The following MLXIPL variants were observed in gnomAD, a reference collection of about 807,000 sequenced individuals.
MLXIPL encodes the protein MLX interacting protein like.
A neutral mutation model predicts 81.5 loss-of-function variants in MLXIPL; 49 were observed. That is an observed-to-expected ratio of 0.60 (90% CI 0.48 to 0.76). The LOEUF (loss-of-function observed/expected upper bound fraction) is 0.76, where lower values mean the gene tolerates loss of function less well. Ranked by LOEUF, MLXIPL falls within the 30% of genes least tolerant of loss-of-function variation. MLXIPL has a pLI of 0.00. For synonymous variants in MLXIPL, 466 were observed against 485.5 expected (o/e 0.96, Z 0.53); for missense variants, 1,053 against 1,167.0 (o/e 0.90, Z 1.42).
At chr7:73,604,381 G>A (rs1203711731) in intron 7 of MLXIPL, among the ~76,000 whole-genome samples, 1 of 151,890 alleles carries the variant, frequency 6.6e-6, no homozygotes, top group Non-Finnish European at 1.5e-5. Context: ...AGACCAGCCT[G>A]GGCAATACAG....
At chr7:73,613,164 C>T (rs1323612593) in intron 2 of MLXIPL, among the ~76,000 whole-genome samples, 2 of 152,148 alleles carry the variant, frequency 1.3e-5, no homozygotes, top group African/African-American at 4.8e-5. Context: ...CTCCTCCCCA[C>T]TCCCGTGAAG....
At chr7:73,617,527 A>C (rs1796075850) in intron 1 of MLXIPL, among the ~76,000 whole-genome samples, 2 of 151,896 alleles carry the variant, frequency 1.3e-5, no homozygotes, top group Admixed American at 6.6e-5. Context: ...GAGCACCCTC[A>C]CTCTAACCCT....
chr7:73,642,095 C>T, the MLXIPL span, among the ~76,000 whole-genome samples: 1 of 152,162 alleles, frequency 6.6e-6, no homozygotes, highest in African/African-American at 2.4e-5. Flanking sequence ...ACTTTCTCCT[C>T]AGTGTCAATA....
chr7:73,617,802 G>A (rs1308903898), intron 1 of MLXIPL, among the ~76,000 whole-genome samples: 2 of 152,018 alleles, frequency 1.3e-5, no homozygotes, highest in Admixed American at 6.6e-5. Flanking sequence ...CTATGATCAC[G>A]CCACTGCACT....
chr7:73,607,174 GC>G, intron 4 of MLXIPL, 156 bp from the exon 5 acceptor site: 1 of 1,258,408 alleles, frequency 7.9e-7, no homozygotes, highest in Non-Finnish European at 1.1e-6. Flanking sequence ...AGACGCTGTG[GC>G]CACACGGTGG....
In MLXIPL at chr7:73,605,680, C is replaced by G; in HGVS notation, c.901+8G>C. ...CGTCCACCCGACCTGGGGAGGGGCT[C>G]GCCCCACCTGAGATGTCCATGAAGT... On this transcript the variant is annotated splice_region_variant and intron_variant, in intron 7 of 16. Coordinates refer to ENST00000313375, the MANE Select transcript of MLXIPL (RefSeq NM_032951.3). 13 of 1,613,066 alleles carry G rather than the reference C, an allele frequency of 8.1e-6. No homozygotes were observed. The highest frequency in any genetic ancestry group is 1.1e-5 in the Non-Finnish European group (13 of 1,179,764).
intron 7 of MLXIPL, among the ~76,000 whole-genome samples, chr7:73,601,789 C>T (rs1253408271): frequency 6.6e-6 from 1 of 152,066 alleles, no homozygotes; most frequent in East Asian, 1.9e-4. Context: ...GCTTTGGCCT[C>T]CTAAAGTGCT....
In MLXIPL at chr7:73,603,054, C is replaced by T. The variant is rs141761501; in HGVS notation, c.901+2634G>A. 5.4e-3 allele frequency among the ~76,000 whole-genome samples: 820 copies of T among 152,316 alleles called. 8 individuals are homozygous for T. Among genetic ancestry groups the T allele is most frequent in the African/African-American group, 0.018 (743 of 41,570 alleles). ...CTCCACGGACCTGACCTGTCATCCC[C>T]TCCCTGAGCTCCTCTGCCTCTGGCT... On this transcript the variant is annotated intron_variant, in intron 7 of 16. Coordinates refer to ENST00000313375, the MANE Select transcript of MLXIPL (RefSeq NM_032951.3).
chr7:73,641,606 G>C, the MLXIPL span, among the ~76,000 whole-genome samples: 13 of 152,234 alleles, frequency 8.5e-5, no homozygotes, highest in Middle Eastern at 3.4e-3. Context: ...GACACCAGCT[G>C]TGTGTCCTGC....
At chr7:73,624,025 A>G (rs1554602908) in intron 1 of MLXIPL, among the ~76,000 whole-genome samples, 175 bp downstream of exon 1, 2 of 151,414 alleles carry the variant, frequency 1.3e-5, no homozygotes, top group African/African-American at 4.9e-5. Context: ...GGGCCGCTGT[A>G]GGAGGACCTC....
chr7:73,624,493 G>C lies in MLXIPL; in HGVS notation c.-1C>G, dbSNP rs782341137. ...CCAGACCTGCCAGCGCGCCGGCCAT[G>C]GCTGTCGCCGCCGCAACCGCCTGGT... On this transcript the variant is annotated 5_prime_UTR_variant, in exon 1 of 17. Coordinates refer to ENST00000313375, the MANE Select transcript of MLXIPL (RefSeq NM_032951.3). 3 of 1,524,858 alleles carry C rather than the reference G, an allele frequency of 2.0e-6. No homozygotes were observed. In the South Asian group the frequency reaches 3.6e-5, roughly 18 times the overall value. The allele number at this position is 1,524,858 out of a possible 1,614,324, so 94.5% of individuals were successfully genotyped here.
In MLXIPL at chr7:73,624,113, G is replaced by A. The variant is rs1187062844; in HGVS notation, c.293+87C>T. On this transcript the variant is annotated intron_variant, in intron 1 of 16. Coordinates refer to ENST00000313375, the MANE Select transcript of MLXIPL (RefSeq NM_032951.3). ...CAGGACCGGGCTCGGGTGGGGTGTT[G>A]AGGGCCCCAGCGCGCAGTCCTGCCC... The A allele has an allele frequency of 1.3e-5, 19 of 1,455,794 alleles. 1 individual carries two copies. The highest frequency in any genetic ancestry group is 4.2e-5 in the South Asian group (3 of 71,222). The allele number at this position is 1,455,794 out of a possible 1,614,324, so 90.2% of individuals were successfully genotyped here.
At chr7:73,636,863 C>T in the MLXIPL span, among the ~76,000 whole-genome samples, 2 of 152,044 alleles carry the variant, frequency 1.3e-5, no homozygotes, top group African/African-American at 4.8e-5. Flanking sequence ...AGTTCGAGCC[C>T]AGCCTGGCCA....
At chr7:73,634,771 G>A in the MLXIPL span, among the ~76,000 whole-genome samples, 1 of 146,848 alleles carries the variant, frequency 6.8e-6, no homozygotes, top group South Asian at 2.1e-4. Flanking sequence ...TTTGCAAGAA[G>A]TACACTTTTA....
At chr7:73,633,055 A>G in the MLXIPL span, among the ~76,000 whole-genome samples, 1 of 143,624 alleles carries the variant, frequency 7.0e-6, no homozygotes, top group Non-Finnish European at 1.5e-5. Flanking sequence ...CGCCGGGACT[A>G]TAGGAGTGAG....
At chr7:73,614,147 A>C (rs556303902) in intron 2 of MLXIPL, among the ~76,000 whole-genome samples, 194 of 152,132 alleles carry the variant, frequency 1.3e-3, no homozygotes, top group Non-Finnish European at 1.9e-3. Flanking sequence ...AACCAGGGAG[A>C]CGGAGGTTAC....
chr7:73,624,169 CAAGGCCGTCAGGG>C lies in MLXIPL; in HGVS notation c.293+18_293+30del. The C allele has an allele frequency of 1.3e-6, 2 of 1,531,566 alleles. No homozygotes were observed. The highest frequency in any genetic ancestry group is 2.4e-5 in the South Asian group (2 of 81,848). 94.9% of individuals were successfully genotyped at this position (1,531,566 alleles called of 1,614,324 possible). ...CCCCCCCCCATCCCCACCTGGAAGC[CAAGGCCGTCAGGG>C]CCCGGAACCGCCCTCACCTGTAGGC... On this transcript the variant is annotated intron_variant, in intron 1 of 16. Coordinates refer to ENST00000313375, the MANE Select transcript of MLXIPL (RefSeq NM_032951.3).
chr7:73,607,223 C>A, intron 4 of MLXIPL, 108 bp downstream of exon 4: 2 of 1,313,806 alleles, frequency 1.5e-6, no homozygotes, highest in African/African-American at 1.5e-5. Context: ...GCCCGAGGGG[C>A]GCAAGCTCGG....
upstream of MLXIPL, among the ~76,000 whole-genome samples, chr7:73,626,868 T>C (rs2116561188): frequency 6.6e-6 from 1 of 152,310 alleles, no homozygotes; most frequent in South Asian, 2.1e-4. Flanking sequence ...GTTTCCCATG[T>C]GTGGCAGCCT....
Sources: allele counts gnomAD v4.1 joint callset (sites outside exome capture counted in the v4.1 genomes callset), GRCh38; gene constraint gnomAD v4.1.1; transcripts MANE v1.5; gene names NCBI Gene and HGNC (gene_info 2026-07-23, HGNC 2026-07-21).